The following CSMD1 variants were observed in gnomAD, a reference collection of about 807,000 sequenced individuals.
CSMD1 encodes the protein CUB and Sushi multiple domains 1.
Under a neutral mutation model 417.5 loss-of-function variants are expected in CSMD1, and 213 were observed. The observed-to-expected ratio is 0.51, with a 90% confidence interval of 0.46 to 0.57. The LOEUF is 0.57. Ranked by LOEUF, CSMD1 falls within the 20% of genes least tolerant of loss-of-function variation. CSMD1 has a pLI of 0.00. For missense variants in CSMD1, 6,923 were observed against 4,529.7 expected, an observed-to-expected ratio of 1.53 and a Z score of -15.17; for synonymous variants, 2,862 against 1,736.8, an observed-to-expected ratio of 1.65 and a Z score of -16.11.
At chr8:4,407,757 C>A (rs929846625) in intron 3 of CSMD1, among the ~76,000 whole-genome samples, 5 of 152,078 alleles carry the variant, frequency 3.3e-5, no homozygotes, top group African/African-American at 1.2e-4. Flanking sequence ...CCTTTAAAAA[C>A]AGTCAAGTAA....
intron 38 of CSMD1, among the ~76,000 whole-genome samples, chr8:3,159,897 G>T (rs533811648): frequency 2.0e-5 from 3 of 152,200 alleles, no homozygotes; most frequent in Admixed American, 6.5e-5. Flanking sequence ...TAAAAGAACG[G>T]CAACAGAATC....
chr8:3,214,048 C>A (rs1453408769), intron 30 of CSMD1, among the ~76,000 whole-genome samples: 3 of 151,816 alleles, frequency 2.0e-5, no homozygotes, highest in African/African-American at 7.3e-5. Context: ...GTTTCACCAT[C>A]TTGGCCAGGC....
At chr8:4,848,103 T>A (rs574625589) in intron 1 of CSMD1, among the ~76,000 whole-genome samples, 231 of 152,312 alleles carry the variant, frequency 1.5e-3, no homozygotes, top group African/African-American at 5.1e-3. Context: ...CTGTGTTATT[T>A]TTTTTGGATA....
intron 68 of CSMD1, among the ~76,000 whole-genome samples, chr8:2,947,502 T>G (rs1271184347): frequency 6.6e-6 from 1 of 152,206 alleles, no homozygotes; most frequent in Non-Finnish European, 1.5e-5. Context: ...AAGCTCATCA[T>G]CACATGAGAA....
chr8:4,549,392 C>T (rs1227902071), intron 2 of CSMD1, among the ~76,000 whole-genome samples: 1 of 152,142 alleles, frequency 6.6e-6, no homozygotes, highest in Non-Finnish European at 1.5e-5. Context: ...AAACAAAACA[C>T]AGTAACAGTT....
At chr8:4,693,514 T>G (rs1020352882) in intron 1 of CSMD1, among the ~76,000 whole-genome samples, 22 of 152,348 alleles carry the variant, frequency 1.4e-4, no homozygotes, top group African/African-American at 4.8e-4. Flanking sequence ...CTTTTTTCAC[T>G]TGAGTCTGCT....
intron 1 of CSMD1, among the ~76,000 whole-genome samples, chr8:4,818,654 G>A (rs1799345626): frequency 6.6e-6 from 1 of 152,186 alleles, no homozygotes. Flanking sequence ...TATCTTTAGA[G>A]AAAGGGCAAA....
At chr8:4,182,428 C>G (rs929652710) in intron 3 of CSMD1, among the ~76,000 whole-genome samples, 5 of 152,054 alleles carry the variant, frequency 3.3e-5, no homozygotes, top group African/African-American at 1.2e-4. Context: ...GCCCAGCCCA[C>G]TTATATAATG....
chr8:4,149,891 C>CTAA (rs1796477929), intron 3 of CSMD1, among the ~76,000 whole-genome samples: 1 of 152,176 alleles, frequency 6.6e-6, no homozygotes, highest in Non-Finnish European at 1.5e-5. Flanking sequence ...CAGGTCCACT[C>CTAA]TAATGTTCAG....
intron 3 of CSMD1, among the ~76,000 whole-genome samples, chr8:4,083,777 A>G (rs1200634159): frequency 6.6e-6 from 1 of 152,216 alleles, no homozygotes; most frequent in African/African-American, 2.4e-5. Flanking sequence ...GGACATAGGC[A>G]TGGGCAAGGA....
At chr8:4,303,118 G>T (rs781418274) in intron 3 of CSMD1, among the ~76,000 whole-genome samples, 61 of 152,132 alleles carry the variant, frequency 4.0e-4, no homozygotes, top group Non-Finnish European at 8.4e-4. Flanking sequence ...ATTAAAATAA[G>T]GACATTATGA....
At chr8:3,306,918 A>T (rs1214106722) in intron 25 of CSMD1, among the ~76,000 whole-genome samples, 1 of 151,976 alleles carries the variant, frequency 6.6e-6, no homozygotes, top group African/African-American at 2.4e-5. Flanking sequence ...TCACTATTGG[A>T]ATAGAACACT....
At chr8:4,837,794 G>C (rs62484642) in intron 1 of CSMD1, among the ~76,000 whole-genome samples, 13 of 152,114 alleles carry the variant, frequency 8.5e-5, no homozygotes, top group Admixed American at 8.5e-4. Flanking sequence ...ATGCCGGCTG[G>C]GATGGATATA....
chr8:3,523,156 C>T (rs1282178058), intron 10 of CSMD1, among the ~76,000 whole-genome samples: 1 of 152,058 alleles, frequency 6.6e-6, no homozygotes, highest in Non-Finnish European at 1.5e-5. Flanking sequence ...CCTTGGCATT[C>T]CTCAAAGTAG....
intron 63 of CSMD1, among the ~76,000 whole-genome samples, chr8:2,956,905 G>A (rs1203770468): frequency 2.6e-5 from 4 of 151,926 alleles, no homozygotes; most frequent in African/African-American, 7.3e-5. Flanking sequence ...ACATATATAT[G>A]TACATGTACT....
chr8:4,175,392 T>C (rs747717662), intron 3 of CSMD1, among the ~76,000 whole-genome samples: 3 of 152,188 alleles, frequency 2.0e-5, no homozygotes, highest in Non-Finnish European at 4.4e-5. Context: ...TCTTCTCTCT[T>C]ACCTGCGCTA....
intron 3 of CSMD1, among the ~76,000 whole-genome samples, chr8:4,236,026 G>GTT (rs147378202): frequency 1.9e-5 from 2 of 108,086 alleles, no homozygotes; most frequent in African/African-American, 8.4e-5. Flanking sequence ...AATGGATATT[G>GTT]TTTTTTTTGT....
chr8:3,650,317 G>A (rs2981363), intron 7 of CSMD1, among the ~76,000 whole-genome samples: 66,981 of 151,722 alleles, frequency 0.44, 14,949 homozygotes, highest in Middle Eastern at 0.5. Flanking sequence ...GAAAATGAAT[G>A]ATTGAGTTTC....
At chr8:3,563,660 G>A (rs547719748) in intron 10 of CSMD1, among the ~76,000 whole-genome samples, 1 of 152,108 alleles carries the variant, frequency 6.6e-6, no homozygotes, top group Non-Finnish European at 1.5e-5. Context: ...GGAGGCTGAG[G>A]CGGGTGGATC....
Sources: gnomAD v4.1 joint callset for allele counts (sites outside exome capture counted in the v4.1 genomes callset) on GRCh38, gnomAD v4.1.1 for gene constraint, MANE v1.5 for transcripts, NCBI Gene and HGNC (gene_info 2026-07-23, HGNC 2026-07-21) for gene names.